The following COL7A1 variants were observed in gnomAD, a reference collection of about 807,000 sequenced individuals.
COL7A1 encodes collagen alpha-1(VII) chain.
Under a neutral mutation model 456.2 loss-of-function variants are expected in COL7A1, and 296 were observed. The observed-to-expected ratio is 0.65, with a 90% CI of 0.59 to 0.71. The LOEUF is 0.71. Ranked by LOEUF, COL7A1 falls within the 30% of genes least tolerant of loss-of-function variation. The pLI is 0.00. For synonymous variants in COL7A1, 1,464 were observed against 1,525.9 expected (o/e 0.96, Z 0.95); for missense variants, 3,441 against 4,017.2 (o/e 0.86, Z 3.88).
Position 48,569,814 on chromosome 3 carries a change from A to T in COL7A1, c.7522-54T>A. On this transcript the variant is annotated intron_variant, in intron 100 of 118. Coordinates refer to ENST00000681320, the MANE Select transcript of COL7A1 (RefSeq NM_000094.4). This position sits in a 1 kb window ranked among gnomAD's most constrained non-coding sequence, Gnocchi z 4.9. ...CCAAACTGGGGAGGCCCCGCACCTG[A>T]ATTCTAATATCATACAAGATCCACT... The T allele has an allele frequency of 1.2e-6, 2 of 1,614,058 alleles. No individual in the cohort carries two copies. Among genetic ancestry groups the T allele is most frequent in the Non-Finnish European group, 1.7e-6 (2 of 1,179,988 alleles).
Position 48,571,492 on chromosome 3 carries a change from C to T in COL7A1, c.7069-214G>A, listed in dbSNP as rs896541183. 2 of 725,418 alleles carry T rather than the reference C, an allele frequency of 2.8e-6. No individual in the cohort carries two copies. The highest frequency in any genetic ancestry group is 2.0e-5 in the Admixed American group (1 of 49,740). 44.9% of individuals were successfully genotyped at this position (725,418 alleles called of 1,614,324 possible). ...AGGGACGCTCAGATACTACCATAGA[C>T]AGGTGGGAGTTCAGGCATGGCACAG... is the stretch of plus-strand genomic sequence containing the variant. On this transcript the variant is annotated intron_variant, in intron 92 of 118. Coordinates refer to ENST00000681320, the MANE Select transcript of COL7A1 (RefSeq NM_000094.4). The surrounding 1 kb of genome is among the most constrained non-coding windows in gnomAD (Gnocchi z 4.6).
rs752451246 is a variant in COL7A1, at chr3:48,585,463, T to C, written c.3894+94A>G. On this transcript the variant is annotated intron_variant, in intron 32 of 118. Coordinates refer to ENST00000681320, the MANE Select transcript of COL7A1 (RefSeq NM_000094.4). The surrounding 1 kb of genome is among the most constrained non-coding windows in gnomAD (Gnocchi z 4.5). ...CAGCTGGGCTTCTAGGAATTCCCGA[T>C]GATTCTAACTCTGCTTCTTCCTTCT... is the stretch of plus-strand genomic sequence containing the variant. The C allele has an allele frequency of 3.6e-6, 5 of 1,399,808 alleles. No individual in the cohort carries two copies. Among genetic ancestry groups the C allele is most frequent in the East Asian group, 2.3e-5 (1 of 43,906 alleles). 86.7% of individuals were successfully genotyped at this position (1,399,808 alleles called of 1,614,324 possible). A position where few individuals can be genotyped will look rare whatever the true frequency, so the allele number is the denominator to read the frequency against.
In COL7A1 at chr3:48,569,680, G is replaced by T; in HGVS notation, c.7558-32C>A. 6.2e-7 allele frequency: 1 copy of T among 1,614,014 alleles called. No homozygotes were observed. Among genetic ancestry groups the T allele is most frequent in the Non-Finnish European group, 8.5e-7 (1 of 1,179,988 alleles). On this transcript the variant is annotated intron_variant, in intron 101 of 118. Transcript: ENST00000681320. The surrounding 1 kb of genome is among the most constrained non-coding windows in gnomAD (Gnocchi z 4.9). ...GGGCAGGCAGGAATCAGAGGAGTCGGGAGCACCCTGGCCCCTGCCCTGCCC... is the reference window on the plus strand; with the variant it reads ...GGGCAGGCAGGAATCAGAGGAGTCGTGAGCACCCTGGCCCCTGCCCTGCCC...
rs1325734352 is a variant in COL7A1, at chr3:48,574,446, G to A, written c.6456+42C>T. On this transcript the variant is annotated intron_variant, in intron 79 of 118. Transcript: ENST00000681320. The surrounding 1 kb of genome is among the most constrained non-coding windows in gnomAD (Gnocchi z 5.0). ...TGCACACAGGACAATACATGTGAGAGCCACCTTCTTGCACATGTGTGGCTG... is the reference window on the plus strand; with the variant it reads ...TGCACACAGGACAATACATGTGAGAACCACCTTCTTGCACATGTGTGGCTG... The A allele has an allele frequency of 6.2e-7, 1 of 1,613,900 alleles. No individual in the cohort carries two copies. Among genetic ancestry groups the A allele is most frequent in the African/African-American group, 1.3e-5 (1 of 75,028 alleles).
rs570353855 is a variant in COL7A1 at position 48,572,765 on chromosome 3, C to G, written c.6832-26G>C. ...CTATGGCAGAGCAGCGTGAGGAACTCAGTGCCTCTCCACCACCACCCCTGC... is the reference window on the plus strand; with the variant it reads ...CTATGGCAGAGCAGCGTGAGGAACTGAGTGCCTCTCCACCACCACCCCTGC... On this transcript the variant is annotated intron_variant, in intron 87 of 118. Transcript: ENST00000681320. The surrounding 1 kb of genome is among the most constrained non-coding windows in gnomAD (Gnocchi z 4.6). The G allele has an allele frequency of 1.2e-6, 2 of 1,611,038 alleles. No individual in the cohort carries two copies. Among genetic ancestry groups the G allele is most frequent in the Admixed American group, 3.4e-5 (2 of 59,520 alleles).
In COL7A1 at chr3:48,572,161, C is replaced by T. The variant is rs757846546; in HGVS notation, c.6989G>A (p.Gly2330Asp). The T allele has an allele frequency of 6.2e-6, 10 of 1,613,920 alleles. No individual in the cohort carries two copies. In the African/African-American group the frequency reaches 1.3e-4, roughly 22 times the overall value. Residue 2330 changes from glycine (G) to aspartate (D), a missense_variant, in exon 91 of 119, where the codon GGT becomes GAT. This residue lies in a region of COL7A1 where 2,084 missense variants were observed against 2,501.3 expected (regional missense o/e 0.83). Transcript: ENST00000681320. This position sits in a 1 kb window ranked among gnomAD's most constrained non-coding sequence, Gnocchi z 4.6. ...TCGCGGCCCTGGCAGTCCTCGGTCA[C>T]CTTTGGCTCCCTGTTGACAGAGGTC... The part of the protein sequence containing the change: ...GDLVGEPGAK[G>D]DRGLPGPRGE...
At position 48,594,915 on chromosome 3, in the gene COL7A1, G is replaced by A. The variant is rs887956327; in HGVS notation, c.85+160C>T. Among the ~76,000 whole-genome samples the A allele has an allele frequency of 3.3e-5, 5 of 152,124 alleles. No homozygotes were observed. The highest frequency in any genetic ancestry group is 4.8e-5 in the African/African-American group (2 of 41,428). ...GAGGCGGTTTAGGGAACCCAGCACC[G>A]ATCGCGGAGGGTTCGGGGAGTCCCA... On this transcript the variant is annotated intron_variant, in intron 2 of 118. Transcript: ENST00000681320. The surrounding 1 kb of genome is among the most constrained non-coding windows in gnomAD (Gnocchi z 5.5).
chr3:48,565,665 C>T lies in COL7A1; in HGVS notation c.8411G>A (p.Cys2804Tyr). ...TCCAGATGCGATGAACTGGCCCTGG[C>T]AGGCTAGAGGGGGCAGAGAGGGATA... Reference protein sequence around the residue: ...VRQEMSQHCACQGQFIASGSR... With the variant: ...VRQEMSQHCAYQGQFIASGSR... The change falls in exon 115 of 119, where the codon TGC becomes TAC. Residue 2804 changes from cysteine (C) to tyrosine (Y), a missense_variant. Coordinates refer to ENST00000681320, the MANE Select transcript of COL7A1 (RefSeq NM_000094.4). The surrounding 1 kb of genome is among the most constrained non-coding windows in gnomAD (Gnocchi z 4.5). The T allele has an allele frequency of 6.2e-7, 1 of 1,613,264 alleles. No homozygotes were observed. The highest frequency in any genetic ancestry group is 8.5e-7 in the Non-Finnish European group (1 of 1,179,688).
chr3:48,581,177 G>C lies in COL7A1; in HGVS notation c.4900-20C>G. On this transcript the variant is annotated intron_variant, in intron 52 of 118. Transcript: ENST00000681320. This position sits in a 1 kb window ranked among gnomAD's most constrained non-coding sequence, Gnocchi z 5.8. ...TTCACCCTGTGAAACATGAGAGTCA[G>C]CCCTGGTTCCAAGAACCCCCATGAT... 1 of 1,613,640 alleles carries C rather than the reference G, an allele frequency of 6.2e-7. No individual in the cohort carries two copies. Among genetic ancestry groups the C allele is most frequent in the Non-Finnish European group, 8.5e-7 (1 of 1,179,884 alleles).
chr3:48,566,626 G>C lies in COL7A1; in HGVS notation c.8304+34C>G. ...CCTCAGGGACAACAGAAGTCACCCCGATCTCTGACCCAAGCCTTGGAATCC... is the reference window on the plus strand; with the variant it reads ...CCTCAGGGACAACAGAAGTCACCCCCATCTCTGACCCAAGCCTTGGAATCC... On this transcript the variant is annotated intron_variant, in intron 112 of 118. Transcript: ENST00000681320. The surrounding 1 kb of genome is among the most constrained non-coding windows in gnomAD (Gnocchi z 5.9). 3 of 1,614,090 alleles carry C rather than the reference G, an allele frequency of 1.9e-6. No individual in the cohort carries two copies. The highest frequency in any genetic ancestry group is 2.5e-6 in the Non-Finnish European group (3 of 1,179,978).
At position 48,575,685 on chromosome 3, in the gene COL7A1, G is replaced by C. The variant is rs1392319043; in HGVS notation, c.5920C>G (p.Pro1974Ala). 2.5e-6 allele frequency: 4 copies of C among 1,613,552 alleles called. No individual in the cohort carries two copies. In the Admixed American group the frequency reaches 6.7e-5, roughly 27 times the overall value. ...CCCTTGGGGCCTCGACGCCGTTCGG[G>C]CACAGGCAGGAAGCTACCAGAGCTC... The part of the protein sequence containing the change: ...DESSGSFLPV[P>A]ERRRGPKGDS... Residue 1974 changes from proline (P) to alanine (A), a missense_variant, in exon 73 of 119, where the codon CCC becomes GCC. Transcript: ENST00000681320. This position sits in a 1 kb window ranked among gnomAD's most constrained non-coding sequence, Gnocchi z 6.3.
rs781358537 is a variant in COL7A1 at position 48,583,015 on chromosome 3, G to A, written c.4516C>T (p.Arg1506Trp). ...AGCATTGCAGCCAGTGGGTTTACCCGGGATCCCGCTGGGCCTGGGGGTCCA... is the reference window on the plus strand; with the variant it reads ...AGCATTGCAGCCAGTGGGTTTACCCAGGATCCCGCTGGGCCTGGGGGTCCA... ...ERGPPGPAGS[R>W]GLPGVAGRPG... The change falls in exon 44 of 119, where the codon CGG (arginine) becomes TGG (tryptophan). Residue 1506 changes from arginine to tryptophan, a missense_variant and splice_region_variant. By Grantham distance (101) the Arg-to-Trp change is moderately radical. Around this residue, in one of 3 missense-constraint regions of COL7A1, gnomAD observed 2,084 missense variants for 2,501.3 expected, o/e 0.83. Transcript: ENST00000681320. The surrounding 1 kb of genome is among the most constrained non-coding windows in gnomAD (Gnocchi z 5.1). The A allele has an allele frequency of 2.0e-5, 32 of 1,613,920 alleles. No homozygotes were observed. Among genetic ancestry groups the A allele is most frequent in the African/African-American group, 5.3e-5 (4 of 74,870 alleles).
chr3:48,571,055 G>A lies in COL7A1; in HGVS notation c.7164+46C>T, dbSNP rs373442851. 6.8e-6 allele frequency: 11 copies of A among 1,612,482 alleles called. No homozygotes were observed. Among genetic ancestry groups the A allele is most frequent in the African/African-American group, 1.3e-5 (1 of 74,858 alleles). ...CAGAACTCCCTCTTCCTCCTGTGGGGGCCCGGCCTGCTGCCCCTACAACTG... is the reference window on the plus strand; with the variant it reads ...CAGAACTCCCTCTTCCTCCTGTGGGAGCCCGGCCTGCTGCCCCTACAACTG... On this transcript the variant is annotated intron_variant, in intron 94 of 118. Transcript: ENST00000681320. The surrounding 1 kb of genome is among the most constrained non-coding windows in gnomAD (Gnocchi z 4.6).
chr3:48,579,075 C>T lies in COL7A1; in HGVS notation c.5389-121G>A. 1 of 1,554,958 alleles carries T rather than the reference C, an allele frequency of 6.4e-7. No individual in the cohort carries two copies. The highest frequency in any genetic ancestry group is 8.9e-7 in the Non-Finnish European group (1 of 1,128,356). ...CCAGGCAGGGCTCTGGGAGAAGACACAGACAACAGGTCTCGCCCCAGAGCT... is the reference window on the plus strand; with the variant it reads ...CCAGGCAGGGCTCTGGGAGAAGACATAGACAACAGGTCTCGCCCCAGAGCT... On this transcript the variant is annotated intron_variant, in intron 62 of 118. Transcript: ENST00000681320. The surrounding 1 kb of genome is among the most constrained non-coding windows in gnomAD (Gnocchi z 4.4).
Position 48,594,450 on chromosome 3 carries a change from C to G in COL7A1, c.184G>C (p.Glu62Gln). The change falls in exon 3 of 119, where the codon GAA becomes CAA. Residue 62 changes from glutamate (E) to glutamine (Q), a missense_variant. By Grantham distance (29) the Glu-to-Gln change is conservative. Transcript: ENST00000681320. The surrounding 1 kb of genome is among the most constrained non-coding windows in gnomAD (Gnocchi z 5.5). ...SNFREVRSFL[E>Q]GLVLPFSGAA... ...CCAGAGAAAGGCAGCACCAGCCCTT[C>G]GAGAAAGCTGCGGACCTCGCGGAAA... is the stretch of plus-strand genomic sequence containing the variant. 10 of 1,612,268 alleles carry G rather than the reference C, an allele frequency of 6.2e-6. No individual in the cohort carries two copies. Among genetic ancestry groups the G allele is most frequent in the Non-Finnish European group, 8.5e-6 (10 of 1,180,044 alleles).
In COL7A1 at chr3:48,583,711, T is replaced by C. The variant is rs1349743494; in HGVS notation, c.4341+7A>G. ...GAACTGGGACATCATCAAGTCAGCCTTCCTACTTTTTCTCCTTTCTTTCCA... is the reference window on the plus strand; with the variant it reads ...GAACTGGGACATCATCAAGTCAGCCCTCCTACTTTTTCTCCTTTCTTTCCA... On this transcript the variant is annotated splice_region_variant and intron_variant, in intron 40 of 118. Coordinates refer to ENST00000681320, the MANE Select transcript of COL7A1 (RefSeq NM_000094.4). The surrounding 1 kb of genome is among the most constrained non-coding windows in gnomAD (Gnocchi z 5.1). The C allele has an allele frequency of 1.2e-6, 2 of 1,613,886 alleles. No individual in the cohort carries two copies. Among genetic ancestry groups the C allele is most frequent in the African/African-American group, 1.3e-5 (1 of 74,896 alleles).
chr3:48,584,971 C>G (rs1433221129), intron 33 of COL7A1, 26 bp from the exon 34 acceptor site: 2 of 1,613,704 alleles, frequency 1.2e-6, no homozygotes, highest in Non-Finnish European at 8.5e-7. Flanking sequence ...AGAGGCAGAA[C>G]AGTCGGAGCC....
Position 48,568,946 on chromosome 3 carries a change from A to C in COL7A1, c.7687-91T>G. ...GAGCCCGCCAGCTGGGGCAGAGCTC[A>C]AGTCACTCCCGAACGGCCCTAGCAG... On this transcript the variant is annotated intron_variant, in intron 103 of 118. Coordinates refer to ENST00000681320, the MANE Select transcript of COL7A1 (RefSeq NM_000094.4). This position sits in a 1 kb window ranked among gnomAD's most constrained non-coding sequence, Gnocchi z 5.2. 21 of 1,310,098 alleles carry C rather than the reference A, an allele frequency of 1.6e-5. No homozygotes were observed. The highest frequency in any genetic ancestry group is 2.0e-5 in the Non-Finnish European group (19 of 932,694). 81.2% of individuals were successfully genotyped at this position (1,310,098 alleles called of 1,614,324 possible).
At position 48,590,194 on chromosome 3, in the gene COL7A1, G is replaced by C. The variant is rs775603589; in HGVS notation, c.2050+19C>G. ...GAGCAATGGAGGCAGAGAGCCAAGG[G>C]ACGGGGGCAGGGCCTGACCCGTTCG... On this transcript the variant is annotated intron_variant, in intron 16 of 118. Transcript: ENST00000681320. The surrounding 1 kb of genome is among the most constrained non-coding windows in gnomAD (Gnocchi z 4.6). The C allele has an allele frequency of 1.1e-5, 17 of 1,610,166 alleles. No homozygotes were observed. Among genetic ancestry groups the C allele is most frequent in the Non-Finnish European group, 1.3e-5 (15 of 1,177,914 alleles).
Sources: allele counts gnomAD v4.1 joint callset (sites outside exome capture counted in the v4.1 genomes callset), GRCh38; gene constraint gnomAD v4.1.1; regional missense constraint gnomAD v4.1.1; non-coding constraint Gnocchi (gnomAD v3.1); transcripts MANE v1.5; gene names NCBI Gene and HGNC (gene_info 2026-07-23, HGNC 2026-07-21).